LPAR1: variants seen among roughly 807,000 people sequenced by gnomAD.
LPAR1 encodes lysophosphatidic acid receptor 1.
In LPAR1, 5 loss-of-function variants were observed where a neutral mutation model predicts 23.8. The ratio of observed to expected loss-of-function variants is 0.21; its 90% CI spans 0.11 to 0.44. The LOEUF is 0.44. LPAR1 is among the 20% of genes least tolerant of loss of function. LPAR1 has a pLI of 0.99. For synonymous variants in LPAR1, 160 were observed against 164.7 expected (o/e 0.97, Z 0.22); for missense variants, 311 against 482.8 (o/e 0.64, Z 3.33).
At chr9:110,972,496 G>A (rs879912790) in intron 3 of LPAR1, among the ~76,000 whole-genome samples, 17 of 152,172 alleles carry the variant, frequency 1.1e-4, no homozygotes, top group Non-Finnish European at 2.4e-4. Flanking sequence ...GAGCTGAGGA[G>A]GGTGAGTCGG....
Position 110,973,514 on chromosome 9 carries a change from G to A in LPAR1, c.-137C>T, listed in dbSNP as rs1028095986. 6 of 152,198 alleles carry A rather than the reference G, an allele frequency of 3.9e-5. No individual in the cohort carries two copies. Among genetic ancestry groups the A allele is most frequent in the African/African-American group, 1.4e-4 (6 of 41,446 alleles). 9.4% of individuals were successfully genotyped at this position (152,198 alleles called of 1,614,324 possible). Reference sequence around the variant, plus strand: ...GTAGGTGTCAGTCCTGAGAAGTCAGGTACTCAGATAGGTGGATGGGGAGCT... The same window carrying A: ...GTAGGTGTCAGTCCTGAGAAGTCAGATACTCAGATAGGTGGATGGGGAGCT... On this transcript the variant is annotated 5_prime_UTR_variant, in exon 3 of 6. Coordinates refer to ENST00000683809, the MANE Select transcript of LPAR1 (RefSeq NM_001351411.2).
chr9:111,037,154 G>A lies in LPAR1; in HGVS notation c.-261-953C>T, dbSNP rs148359647. Among the ~76,000 whole-genome samples the A allele has an allele frequency of 7.0e-4, 106 of 152,310 alleles. 3 individuals carry two copies. The East Asian group carries it at 0.019, about 28-fold the overall frequency. The stretch of plus-strand genomic sequence containing the variant: ...TGAGCAAACACACTTATGCAAATAC[G>A]TGAAAAACAAACTGTTAGAGCCTGA... On this transcript the variant is annotated intron_variant, in intron 1 of 5. Coordinates refer to ENST00000683809, the MANE Select transcript of LPAR1 (RefSeq NM_001351411.2).
Position 110,873,738 on chromosome 9 carries a change from C to T in LPAR1, c.*1683G>A, listed in dbSNP as rs1049715753. On this transcript the variant is annotated 3_prime_UTR_variant, in exon 6 of 6. Transcript: ENST00000683809. ...CACAGTAACCAACCACATACTGACA[C>T]ACTCAACCCATTTGCTACAGATGGA... The T allele has an allele frequency of 1.3e-5, 2 of 152,246 alleles. No individual in the cohort carries two copies. The highest frequency in any genetic ancestry group is 2.9e-5 in the Non-Finnish European group (2 of 68,062). 9.4% of individuals were successfully genotyped at this position (152,246 alleles called of 1,614,324 possible). A position where few individuals can be genotyped will look rare whatever the true frequency, so the allele number is the denominator to read the frequency against.
chr9:110,930,408 C>T (rs1029537662), intron 5 of LPAR1, among the ~76,000 whole-genome samples: 4 of 151,924 alleles, frequency 2.6e-5, no homozygotes, highest in African/African-American at 4.8e-5. Flanking sequence ...GCTCGGGAGG[C>T]TGAGGCAAGA....
chr9:111,000,077 C>A (rs1373963262), intron 2 of LPAR1, among the ~76,000 whole-genome samples: 1 of 152,140 alleles, frequency 6.6e-6, no homozygotes, highest in Non-Finnish European at 1.5e-5. Context: ...ACCTAATCAC[C>A]TCCTAATACC....
intron 5 of LPAR1, among the ~76,000 whole-genome samples, chr9:110,927,711 T>C (rs1408319512): frequency 6.6e-6 from 1 of 152,074 alleles, no homozygotes; most frequent in Non-Finnish European, 1.5e-5. Flanking sequence ...CAAGGAAAAG[T>C]AAACGTGAGA....
chr9:110,928,404 C>T (rs2094183671), intron 5 of LPAR1, among the ~76,000 whole-genome samples: 1 of 152,108 alleles, frequency 6.6e-6, no homozygotes, highest in Admixed American at 6.6e-5. Context: ...TAGAATTACT[C>T]ATATTTTGTT....
intron 5 of LPAR1, among the ~76,000 whole-genome samples, chr9:110,894,734 G>T (rs1284539880): frequency 6.6e-6 from 1 of 152,076 alleles, no homozygotes; most frequent in Non-Finnish European, 1.5e-5. Context: ...TAAAAATAAG[G>T]GACAGGTGCA....
chr9:111,000,582 G>A (rs1424443079), intron 2 of LPAR1, among the ~76,000 whole-genome samples: 4 of 152,282 alleles, frequency 2.6e-5, no homozygotes, highest in African/African-American at 7.2e-5. Flanking sequence ...CCCCAGCCAC[G>A]TGCCTCAGTG....
At chr9:111,015,491 A>T (rs1468723960) in intron 2 of LPAR1, among the ~76,000 whole-genome samples, 1 of 152,150 alleles carries the variant, frequency 6.6e-6, no homozygotes, top group Non-Finnish European at 1.5e-5. Flanking sequence ...AATCTTAAAA[A>T]GTTGAACCAA....
At chr9:110,998,186 G>T (rs1395707403) in intron 2 of LPAR1, among the ~76,000 whole-genome samples, 1 of 152,168 alleles carries the variant, frequency 6.6e-6, no homozygotes, top group Non-Finnish European at 1.5e-5. Flanking sequence ...GCCTCACATG[G>T]CCTTTAATAG....
At chr9:110,944,464 A>T (rs762707641) in intron 4 of LPAR1, among the ~76,000 whole-genome samples, 10 of 152,220 alleles carry the variant, frequency 6.6e-5, no homozygotes, top group Non-Finnish European at 1.5e-4. Context: ...GTCAAGACAA[A>T]TATAAAAGTC....
chr9:110,918,078 T>TTTTG (rs371432904), intron 5 of LPAR1, among the ~76,000 whole-genome samples: 1 of 151,948 alleles, frequency 6.6e-6, no homozygotes, highest in African/African-American at 2.4e-5. Flanking sequence ...AACTTTTGTT[T>TTTTG]TTTGTTTGTT....
At chr9:110,882,297 T>C (rs1016096108) in intron 5 of LPAR1, among the ~76,000 whole-genome samples, 2 of 152,232 alleles carry the variant, frequency 1.3e-5, no homozygotes, top group Non-Finnish European at 2.9e-5. Flanking sequence ...CTCTGGAATC[T>C]AGAATATTGC....
At position 110,972,193 on chromosome 9, in the gene LPAR1, C is replaced by T. The variant is rs1588622641; in HGVS notation, c.-76G>A. On this transcript the variant is annotated 5_prime_UTR_variant, in exon 4 of 6. Transcript: ENST00000683809. Reference sequence around the variant, plus strand: ...AAATTTTCTTGTTTGCTGATCAGATCGAAGTCATGCTAGGAGAAGCTGTGT... The same window carrying T: ...AAATTTTCTTGTTTGCTGATCAGATTGAAGTCATGCTAGGAGAAGCTGTGT... The T allele has an allele frequency of 7.6e-7, 1 of 1,313,988 alleles. No homozygotes were observed. The highest frequency in any genetic ancestry group is 1.1e-6 in the Non-Finnish European group (1 of 908,474). The allele number at this position is 1,313,988 out of a possible 1,614,324, so 81.4% of individuals were successfully genotyped here.
chr9:110,965,225 G>A (rs1254948262), intron 4 of LPAR1, among the ~76,000 whole-genome samples: 1 of 152,040 alleles, frequency 6.6e-6, no homozygotes, highest in Non-Finnish European at 1.5e-5. Flanking sequence ...TCTTAACTAA[G>A]ATATTGAAAA....
chr9:110,997,477 T>C (rs1034446857), intron 2 of LPAR1, among the ~76,000 whole-genome samples: 1 of 152,178 alleles, frequency 6.6e-6, no homozygotes, highest in African/African-American at 2.4e-5. Flanking sequence ...TCAAATGGTA[T>C]AAAATATACA....
intron 5 of LPAR1, among the ~76,000 whole-genome samples, chr9:110,886,527 T>C (rs2082469019): frequency 6.6e-6 from 1 of 151,790 alleles, no homozygotes; most frequent in Admixed American, 6.6e-5. Context: ...TAAAACTATA[T>C]ATATACACAT....
chr9:110,884,179 T>C (rs2081698665), intron 5 of LPAR1, among the ~76,000 whole-genome samples: 1 of 152,202 alleles, frequency 6.6e-6, no homozygotes, highest in Non-Finnish European at 1.5e-5. Context: ...CTGGACATAT[T>C]AGTTTTTCCA....
Sources: allele counts gnomAD v4.1 joint callset (sites outside exome capture counted in the v4.1 genomes callset), GRCh38; gene constraint gnomAD v4.1.1; transcripts MANE v1.5; gene names NCBI Gene and HGNC (gene_info 2026-07-23, HGNC 2026-07-21).